The following CFTR variants were observed in gnomAD, a reference collection of about 807,000 sequenced individuals.
The protein encoded by CFTR is CF transmembrane conductance regulator, also known as cystic fibrosis transmembrane conductance regulator.
CFTR carries 181 observed loss-of-function variants against 171.6 expected under a neutral mutation model. The ratio of observed to expected loss-of-function variants is 1.05; its 90% CI spans 0.93 to 1.19. The LOEUF (loss-of-function observed/expected upper bound fraction) is 1.19. Ranked by LOEUF, CFTR falls within the 50% of genes most tolerant of loss-of-function variation. CFTR has a pLI of 0.00. For synonymous variants in CFTR, 583 were observed against 608.0 expected (o/e 0.96, Z 0.60); for missense variants, 1,968 against 1,734.7 (o/e 1.13, Z -2.39).
chr7:117,517,584 G>A (rs920613353), intron 3 of CFTR, among the ~76,000 whole-genome samples: 3 of 152,194 alleles, frequency 2.0e-5, no homozygotes, highest in East Asian at 1.9e-4. Context: ...TAATGGGATT[G>A]CTGGGTCAAA....
At chr7:117,502,334 A>G (rs1164571466) in intron 1 of CFTR, among the ~76,000 whole-genome samples, 3 of 152,242 alleles carry the variant, frequency 2.0e-5, no homozygotes, top group African/African-American at 7.2e-5. Flanking sequence ...AATAAAATTG[A>G]GCAATGATCC....
intron 11 of CFTR, among the ~76,000 whole-genome samples, chr7:117,560,253 T>C (rs1799439896): frequency 6.6e-6 from 1 of 152,114 alleles, no homozygotes; most frequent in African/African-American, 2.4e-5. Flanking sequence ...TATTGGAGAA[T>C]GAGCTAATTA....
At chr7:117,613,501 T>C (rs1255827538) in intron 20 of CFTR, among the ~76,000 whole-genome samples, 2 of 152,118 alleles carry the variant, frequency 1.3e-5, no homozygotes, top group Non-Finnish European at 2.9e-5. Context: ...TCCATAGGTG[T>C]GGGGTGAATA....
chr7:117,542,231 G>A (rs1328733692), intron 9 of CFTR, 123 bp downstream of exon 9: 1 of 669,216 alleles, frequency 1.5e-6, no homozygotes, highest in Non-Finnish European at 2.8e-6. Context: ...ACTGGAAGGA[G>A]GATCACTCAC....
chr7:117,561,663 A>G (rs1364990330), intron 11 of CFTR, among the ~76,000 whole-genome samples: 2 of 152,164 alleles, frequency 1.3e-5, no homozygotes, highest in Admixed American at 6.6e-5. Context: ...TTTATTTTAT[A>G]CAGTGTACTA....
intron 4 of CFTR, among the ~76,000 whole-genome samples, chr7:117,532,755 T>TCTGTGTTCTTGCCCAGTTTG (rs1157671140): frequency 2.0e-5 from 3 of 152,220 alleles, no homozygotes; most frequent in Non-Finnish European, 4.4e-5. Context: ...ATGTTGCATA[T>TCTGTGTTCTTGCCCAGTTTG]CTGTGTTCTT....
intron 11 of CFTR, among the ~76,000 whole-genome samples, chr7:117,580,443 TG>T (rs1791833345): frequency 6.6e-6 from 1 of 152,098 alleles, no homozygotes; most frequent in Non-Finnish European, 1.5e-5. Context: ...ATAATTCTTT[TG>T]GTTGTTTTGT....
At chr7:117,654,427 T>G (rs938461508) in intron 24 of CFTR, among the ~76,000 whole-genome samples, 2 of 151,964 alleles carry the variant, frequency 1.3e-5, no homozygotes, top group African/African-American at 4.8e-5. Flanking sequence ...GGCAATGGAG[T>G]ATGGGGAGCT....
rs397508601 is a variant in CFTR at position 117,642,459 on chromosome 7, G to A, written c.3739G>A (p.Gly1247Arg). The A allele has an allele frequency of 1.2e-6, 2 of 1,613,608 alleles. No homozygotes were observed. Among genetic ancestry groups the A allele is most frequent in the Non-Finnish European group, 1.7e-6 (2 of 1,179,652 alleles). ...GQRVGLLGRT[G>R]SGKSTLLSAF... is the part of the protein sequence containing the mutation. ...ATAGGTGGGCCTCTTGGGAAGAACT[G>A]GATCAGGGAAGAGTACTTTGTTATC... The change falls in exon 23 of 27, where the codon GGA becomes AGA. Residue 1247 changes from glycine (G) to arginine (R), a missense_variant. Coordinates refer to ENST00000003084, the MANE Select transcript of CFTR (RefSeq NM_000492.4).
At chr7:117,487,891 A>G (rs1311645273) in intron 1 of CFTR, 1 of 152,162 alleles carries the variant, frequency 6.6e-6, no homozygotes, top group Non-Finnish European at 1.5e-5. Context: ...AGAGTCCAGC[A>G]TTGGTTATGG....
chr7:117,531,302 C>G (rs1001491596), intron 4 of CFTR, among the ~76,000 whole-genome samples, 188 bp downstream of exon 4: 2 of 151,646 alleles, frequency 1.3e-5, no homozygotes, highest in African/African-American at 4.8e-5. Context: ...TTGACTTAAA[C>G]TGATAATTAT....
chr7:117,575,969 G>A (rs1207242001), intron 11 of CFTR, among the ~76,000 whole-genome samples: 3 of 151,788 alleles, frequency 2.0e-5, no homozygotes, highest in African/African-American at 4.8e-5. Flanking sequence ...TTATATTTTT[G>A]TGTCTTCTCT....
chr7:117,534,369 T>G lies in CFTR; in HGVS notation c.579+4T>G, dbSNP rs563148024. The G allele has an allele frequency of 6.9e-7, 1 of 1,458,282 alleles. No homozygotes were observed. The highest frequency in any genetic ancestry group is 1.7e-5 in the Admixed American group (1 of 59,780). The allele number at this position is 1,458,282 out of a possible 1,614,324, so 90.3% of individuals were successfully genotyped here. On this transcript the variant is annotated splice_donor_region_variant and intron_variant, in intron 5 of 26. Transcript: ENST00000003084. ...CAACCTGAACAAATTTGATGAAGTA[T>G]GTACCTATTGATTTAATCTTTTAGG...
intron 1 of CFTR, among the ~76,000 whole-genome samples, chr7:117,493,283 C>T (rs1255081081): frequency 4.0e-5 from 6 of 151,886 alleles, no homozygotes; most frequent in Non-Finnish European, 7.4e-5. Flanking sequence ...TTATCTATTA[C>T]TGTATGTTTT....
At chr7:117,598,281 A>AC (rs1212907405) in intron 15 of CFTR, among the ~76,000 whole-genome samples, 1 of 152,148 alleles carries the variant, frequency 6.6e-6, no homozygotes, top group Non-Finnish European at 1.5e-5. Flanking sequence ...TCTAGAGGAC[A>AC]CCCCTGGGTA....
At chr7:117,483,018 T>G (rs890999044) in intron 1 of CFTR, among the ~76,000 whole-genome samples, 1 of 152,194 alleles carries the variant, frequency 6.6e-6, no homozygotes, top group Non-Finnish European at 1.5e-5. Flanking sequence ...AAGAGTAAAA[T>G]ATTGTTAGGA....
At position 117,559,672 on chromosome 7, in the gene CFTR, A is replaced by G; in HGVS notation, c.1584+17A>G. Reference sequence around the variant, plus strand: ...CTAGAAGAGGTAAGAAACTATGTGAAAACTTTTTGATTATGCATATGAACC... The same window carrying G: ...CTAGAAGAGGTAAGAAACTATGTGAGAACTTTTTGATTATGCATATGAACC... On this transcript the variant is annotated intron_variant, in intron 11 of 26. Transcript: ENST00000003084. 1 of 1,595,020 alleles carries G rather than the reference A, an allele frequency of 6.3e-7. No individual in the cohort carries two copies. The highest frequency in any genetic ancestry group is 8.6e-7 in the Non-Finnish European group (1 of 1,163,682).
chr7:117,587,749 A>G lies in CFTR; in HGVS notation c.1595A>G (p.Lys532Arg), dbSNP rs1791963759. The stretch of plus-strand genomic sequence containing the variant: ...TATTTTTGGTAATAGGACATCTCCA[A>G]GTTTGCAGAGAAAGACAATATAGTT... ...KACQLEEDIS[K>R]FAEKDNIVLG... The change falls in exon 12 of 27, where the codon AAG becomes AGG. Residue 532 changes from lysine (K) to arginine (R), a missense_variant. Physicochemically the swap from Lys to Arg is conservative, Grantham distance 26 (BLOSUM62 2). Coordinates refer to ENST00000003084, the MANE Select transcript of CFTR (RefSeq NM_000492.4). 1.2e-6 allele frequency: 2 copies of G among 1,606,224 alleles called. No individual in the cohort carries two copies. The highest frequency in any genetic ancestry group is 2.7e-5 in the African/African-American group (2 of 74,738).
intron 14 of CFTR, 75 bp from the exon 15 acceptor site, chr7:117,594,855 A>T: frequency 7.8e-7 from 1 of 1,287,988 alleles, no homozygotes; most frequent in Non-Finnish European, 1.1e-6. Context: ...TTATTTTCAT[A>T]TATTAAAAAT....
Sources: gnomAD v4.1 joint callset for allele counts (sites outside exome capture counted in the v4.1 genomes callset) on GRCh38, gnomAD v4.1.1 for gene constraint, MANE v1.5 for transcripts, NCBI Gene and HGNC (gene_info 2026-07-23, HGNC 2026-07-21) for gene names.